GOLGB1: variants seen among roughly 807,000 people sequenced by gnomAD.
The protein encoded by GOLGB1 is golgin B1, also known as golgin subfamily B member 1.
A neutral mutation model predicts 336.9 loss-of-function variants in GOLGB1; 174 were observed. The ratio of observed to expected loss-of-function variants is 0.52; its 90% CI spans 0.46 to 0.59. The LOEUF is 0.59. GOLGB1 is among the 20% of genes least tolerant of loss of function. GOLGB1 has a pLI of 0.00. For synonymous variants in GOLGB1, 1,208 were observed against 1,289.2 expected (o/e 0.94, Z 1.35); for missense variants, 3,331 against 3,645.3 (o/e 0.91, Z 2.22).
chr3:121,721,824 C>G (rs893594822), intron 6 of GOLGB1, among the ~76,000 whole-genome samples: 5 of 152,072 alleles, frequency 3.3e-5, no homozygotes, highest in Non-Finnish European at 5.9e-5. Flanking sequence ...ACTAAGTAAT[C>G]TAACTATAAT....
intron 11 of GOLGB1, among the ~76,000 whole-genome samples, chr3:121,702,081 C>T (rs1385774384): frequency 6.6e-6 from 1 of 152,050 alleles, no homozygotes; most frequent in African/African-American, 2.4e-5. Context: ...ATAGTTTCTA[C>T]CTTTAAACCT....
chr3:121,715,522 T>A (rs1944694640), intron 9 of GOLGB1, among the ~76,000 whole-genome samples: 1 of 151,812 alleles, frequency 6.6e-6, no homozygotes. Context: ...GCCCTAGGCA[T>A]TTTTTACAAG....
chr3:121,689,618 C>T (rs1238982803), intron 14 of GOLGB1, among the ~76,000 whole-genome samples: 1 of 150,468 alleles, frequency 6.6e-6, no homozygotes, highest in African/African-American at 2.5e-5. Flanking sequence ...CCAAATCCCC[C>T]TCTGTGAGAA....
At chr3:121,707,547 C>T (rs532905621) in intron 10 of GOLGB1, among the ~76,000 whole-genome samples, 6 of 151,236 alleles carry the variant, frequency 4.0e-5, no homozygotes, top group Admixed American at 6.6e-5. Context: ...ATGGAAGAAT[C>T]GCTTGAGCCC....
At position 121,699,655 on chromosome 3, in the gene GOLGB1, G is replaced by A. The variant is rs904430618; in HGVS notation, c.1593+157C>T. On this transcript the variant is annotated intron_variant, in intron 12 of 21. Transcript: ENST00000614479. ...TATTCAGAAACAAGTAACAATAAAT[G>A]AGATATAATAACCATTATGAATCTC... is the stretch of plus-strand genomic sequence containing the variant. 3.9e-5 allele frequency among the ~76,000 whole-genome samples: 6 copies of A among 152,136 alleles called. 1 individual carries two copies. The highest frequency in any genetic ancestry group is 2.1e-4 in the South Asian group (1 of 4,828).
At chr3:121,736,039 T>A (rs1946446757) in intron 1 of GOLGB1, among the ~76,000 whole-genome samples, 1 of 151,918 alleles carries the variant, frequency 6.6e-6, no homozygotes, top group Admixed American at 6.6e-5. Flanking sequence ...ATAATTTGAG[T>A]CACAGAATAA....
chr3:121,681,611 T>C (rs1941080251), intron 15 of GOLGB1, 76 bp downstream of exon 15: 1 of 1,064,736 alleles, frequency 9.4e-7, no homozygotes, highest in Non-Finnish European at 1.4e-6. Context: ...TCTGCACTAT[T>C]TTCCCAAATC....
At position 121,697,422 on chromosome 3, in the gene GOLGB1, A is replaced by T; in HGVS notation, c.3101T>A (p.Leu1034His). Residue 1034 changes from leucine to histidine, a missense_variant, in exon 13 of 22, where the codon CTC becomes CAC. Coordinates refer to ENST00000614479, the MANE Select transcript of GOLGB1 (RefSeq NM_001366282.2). ...CACTTCTCCCCTCTCAGTCTCACTG[A>T]GTGGGATTTCTTTCTTAGATTCATC... ...LKDESKKEIP[L>H]SETERGEVEE... 1 of 1,611,936 alleles carries T rather than the reference A, an allele frequency of 6.2e-7. No individual in the cohort carries two copies. Among genetic ancestry groups the T allele is most frequent in the Non-Finnish European group, 8.5e-7 (1 of 1,179,540 alleles).
Position 121,677,395 on chromosome 3 carries a change from T to G in GOLGB1, c.8929A>C (p.Met2977Leu). The change falls in exon 16 of 22, where the codon ATG (methionine) becomes CTG (leucine). Residue 2977 changes from methionine to leucine, a missense_variant. By Grantham distance (15) the Met-to-Leu change is conservative. Transcript: ENST00000614479. Reference sequence around the variant, plus strand: ...TGCTGATCTTTATCTGAGATAGCCATAAGGTACTGTTCCTTCATTCTCCTC... The same window carrying G: ...TGCTGATCTTTATCTGAGATAGCCAGAAGGTACTGTTCCTTCATTCTCCTC... ...HERRMKEQYL[M>L]AISDKDQQLS... 2 of 1,606,336 alleles carry G rather than the reference T, an allele frequency of 1.2e-6. 1 individual carries two copies. The highest frequency in any genetic ancestry group is 2.2e-5 in the South Asian group (2 of 90,926).
At position 121,718,394 on chromosome 3, in the gene GOLGB1, T is replaced by C. The variant is rs115469061; in HGVS notation, c.879A>G (p.Arg293=). The C allele has an allele frequency of 2.2e-4, 347 of 1,605,536 alleles. 2 individuals carry two copies. In the African/African-American group the frequency reaches 4.3e-3, roughly 20 times the overall value. Residue 293 remains arginine, a synonymous_variant, in exon 8 of 22, where the codon AGA becomes AGG. Transcript: ENST00000614479. ...AAAGATTAAAAGGCAGTACCTGGTT[T>C]CTCTGCTCAGCAGCAGTCAGCTCCT... The part of the protein sequence containing the change: ...LQQELTAAEQ[R]NQILSQQLQQ...
chr3:121,680,771 T>C (rs1940977186), intron 15 of GOLGB1, among the ~76,000 whole-genome samples: 1 of 152,098 alleles, frequency 6.6e-6, no homozygotes, highest in Non-Finnish European at 1.5e-5. Context: ...TGCATACCTA[T>C]AATATATAAA....
At chr3:121,674,881 T>C (rs1397413592) in intron 17 of GOLGB1, among the ~76,000 whole-genome samples, 1 of 144,666 alleles carries the variant, frequency 6.9e-6, no homozygotes, top group Non-Finnish European at 1.5e-5. Context: ...CAGGCCGGAC[T>C]GCGGACTGCA....
chr3:121,722,884 T>C (rs1212290285), intron 5 of GOLGB1, among the ~76,000 whole-genome samples: 1 of 152,208 alleles, frequency 6.6e-6, no homozygotes, highest in Non-Finnish European at 1.5e-5. Flanking sequence ...GCTTTGCCAT[T>C]CTTTAATACT....
rs1455124338 is a variant in GOLGB1, at chr3:121,691,168, TTTA to T, written c.8193_8195del (p.Asn2731del). The T allele has an allele frequency of 6.2e-7, 1 of 1,613,534 alleles. No individual in the cohort carries two copies. The highest frequency in any genetic ancestry group is 8.5e-7 in the Non-Finnish European group (1 of 1,179,906). On this transcript the variant is annotated inframe_deletion, in exon 14 of 22. Coordinates refer to ENST00000614479, the MANE Select transcript of GOLGB1 (RefSeq NM_001366282.2). Reference sequence around the variant, plus strand: ...AAGACTGAATTTGTGCTGTGAGACCTTTATTTTCTTTGGTGACCATGAGTAATT... The same window carrying T: ...AAGACTGAATTTGTGCTGTGAGACCTTTTTCTTTGGTGACCATGAGTAATT...
Position 121,697,904 on chromosome 3 carries a change from AAG to A in GOLGB1, c.2617_2618del (p.Leu873PhefsTer6). 6.2e-7 allele frequency: 1 copy of A among 1,614,050 alleles called. No individual in the cohort carries two copies. The highest frequency in any genetic ancestry group is 8.5e-7 in the Non-Finnish European group (1 of 1,179,950). On this transcript the variant is annotated frameshift_variant, in exon 13 of 22. Transcript: ENST00000614479. LOFTEE classifies it high-confidence loss of function. The stretch of plus-strand genomic sequence containing the variant: ...TTGTTATTTCAAGTTCCTTCTGTGA[AAG>A]AGCCTGGGACAGTTCTTCCACTTTA... ...SSKVEELSQA[L>X]SQKELEITKM...
intron 14 of GOLGB1, among the ~76,000 whole-genome samples, chr3:121,684,057 G>A (rs1029348137): frequency 7.4e-5 from 11 of 148,650 alleles, no homozygotes; most frequent in Non-Finnish European, 1.0e-4. Flanking sequence ...GAATTCAGGA[G>A]GCGGAGGTTG....
At chr3:121,715,209 T>C (rs1038572489) in intron 9 of GOLGB1, among the ~76,000 whole-genome samples, 1 of 150,998 alleles carries the variant, frequency 6.6e-6, no homozygotes, top group African/African-American at 2.4e-5. Flanking sequence ...AGGCACTTTT[T>C]TTTTTTTTTT....
intron 13 of GOLGB1, among the ~76,000 whole-genome samples, chr3:121,693,340 TA>T (rs1942635154): frequency 6.6e-6 from 1 of 151,970 alleles, no homozygotes; most frequent in Non-Finnish European, 1.5e-5. Flanking sequence ...TACAAAAAAT[TA>T]GCTGGGCGTG....
At position 121,692,402 on chromosome 3, in the gene GOLGB1, C is replaced by G. The variant is rs745864502; in HGVS notation, c.6962G>C (p.Ser2321Thr). The change falls in exon 14 of 22, where the codon AGT becomes ACT. Residue 2321 changes from serine (S) to threonine (T), a missense_variant. Ser to Thr is a moderately conservative substitution (Grantham distance 58). Transcript: ENST00000614479. ...TAAATCAGTCAACTGGTCTTTGAGA[C>G]TCTTAAGTTCTGATTCCAACTTAGC... ...ELAKLESELKSLKDQLTDLSN... is the reference protein window; with the variant it reads ...ELAKLESELKTLKDQLTDLSN... 1.9e-6 allele frequency: 3 copies of G among 1,612,840 alleles called. No homozygotes were observed. The highest frequency in any genetic ancestry group is 2.5e-6 in the Non-Finnish European group (3 of 1,179,698).
Sources: allele counts gnomAD v4.1 joint callset (sites outside exome capture counted in the v4.1 genomes callset), GRCh38; gene constraint gnomAD v4.1.1; transcripts MANE v1.5; gene names NCBI Gene and HGNC (gene_info 2026-07-23, HGNC 2026-07-21).